KDM4C: variants seen among roughly 807,000 people sequenced by gnomAD.
KDM4C encodes lysine-specific demethylase 4C.
KDM4C carries 81 observed loss-of-function variants against 129.3 expected under a neutral mutation model. The observed-to-expected ratio is 0.63, with a 90% confidence interval of 0.52 to 0.75. The LOEUF is 0.75. KDM4C is among the 30% of genes least tolerant of loss of function. KDM4C has a pLI of 0.00. For synonymous variants in KDM4C, 573 were observed against 456.1 expected, an observed-to-expected ratio of 1.26 and a Z score of -3.26; for missense variants, 1,457 against 1,304.0, an observed-to-expected ratio of 1.12 and a Z score of -1.81.
At chr9:6,998,096 G>C (rs1273480366) in intron 12 of KDM4C, among the ~76,000 whole-genome samples, 1 of 152,166 alleles carries the variant, frequency 6.6e-6, no homozygotes, top group African/African-American at 2.4e-5. Flanking sequence ...CATCAGTTCA[G>C]CAAGTGCACT....
At chr9:6,732,319 CAT>C (rs1563915469) in intron 1 of KDM4C, among the ~76,000 whole-genome samples, 1 of 123,412 alleles carries the variant, frequency 8.1e-6, no homozygotes, top group Non-Finnish European at 1.6e-5. Context: ...GAGCTGAGAT[CAT>C]GCCACTGCAC....
At chr9:7,002,059 G>A (rs959758417) in intron 12 of KDM4C, among the ~76,000 whole-genome samples, 8 of 151,900 alleles carry the variant, frequency 5.3e-5, no homozygotes, top group African/African-American at 1.9e-4. Flanking sequence ...CACCTGGCTA[G>A]TTTTTCTATT....
At chr9:6,879,383 T>G (rs1036451650) in intron 5 of KDM4C, among the ~76,000 whole-genome samples, 1 of 152,104 alleles carries the variant, frequency 6.6e-6, no homozygotes, top group Non-Finnish European at 1.5e-5. Flanking sequence ...AGGGTGAAAA[T>G]TTTTTGCTGT....
intron 17 of KDM4C, among the ~76,000 whole-genome samples, chr9:7,101,562 T>A (rs1333120997): frequency 6.6e-6 from 1 of 152,238 alleles, no homozygotes; most frequent in Admixed American, 6.5e-5. Context: ...CTAAGGAAAC[T>A]GTGATTCTGT....
At chr9:6,775,816 C>T (rs1311581448) in intron 1 of KDM4C, among the ~76,000 whole-genome samples, 1 of 152,280 alleles carries the variant, frequency 6.6e-6, no homozygotes, top group East Asian at 1.9e-4. Context: ...CCACTGCGCC[C>T]AGCGACAAAT....
chr9:7,105,145 C>G (rs982281647), intron 18 of KDM4C, among the ~76,000 whole-genome samples: 1 of 152,174 alleles, frequency 6.6e-6, no homozygotes, highest in African/African-American at 2.4e-5. Flanking sequence ...TTTAAAAATA[C>G]CTAGTAATAA....
chr9:6,989,190 C>A (rs965044948), intron 11 of KDM4C, among the ~76,000 whole-genome samples: 1 of 152,104 alleles, frequency 6.6e-6, no homozygotes, highest in African/African-American at 2.4e-5. Flanking sequence ...TTTTCTTATT[C>A]CTAGCTTTGA....
intron 1 of KDM4C, among the ~76,000 whole-genome samples, chr9:6,745,830 G>T (rs1817854342): frequency 6.6e-6 from 1 of 151,284 alleles, no homozygotes; most frequent in African/African-American, 2.4e-5. Flanking sequence ...ATTTTTTGAG[G>T]TGGAGTTTCG....
chr9:6,885,095 A>G (rs1845054942), intron 6 of KDM4C, among the ~76,000 whole-genome samples: 1 of 152,234 alleles, frequency 6.6e-6, no homozygotes, highest in South Asian at 2.1e-4. Context: ...GGTGTAATTA[A>G]TAAACCACAT....
At chr9:7,150,097 G>T (rs911400032) in intron 19 of KDM4C, among the ~76,000 whole-genome samples, 2 of 152,132 alleles carry the variant, frequency 1.3e-5, no homozygotes, top group African/African-American at 2.4e-5. Flanking sequence ...CACTCAACAC[G>T]GTCAGTGGGA....
At chr9:6,823,325 C>T (rs1375722649) in intron 4 of KDM4C, among the ~76,000 whole-genome samples, 1 of 152,174 alleles carries the variant, frequency 6.6e-6, no homozygotes, top group Non-Finnish European at 1.5e-5. Context: ...AAGGGGGTAG[C>T]TTATCCTCAC....
rs898219762 is a variant in KDM4C, at chr9:6,924,995, T to C, written c.921+31763T>C. On this transcript the variant is annotated intron_variant, in intron 8 of 21. Transcript: ENST00000381309. Reference sequence around the variant, plus strand: ...TAGAAGTGTTGATGTTTTGTATTAGTGAATCTTAGGCTTCCTACTTCTGAA... The same window carrying C: ...TAGAAGTGTTGATGTTTTGTATTAGCGAATCTTAGGCTTCCTACTTCTGAA... 36 of 985,328 alleles carry C rather than the reference T, an allele frequency of 3.7e-5. 1 individual carries two copies. Among genetic ancestry groups the C allele is most frequent in the Non-Finnish European group, 3.7e-5 (31 of 829,926 alleles). 61.0% of individuals were successfully genotyped at this position (985,328 alleles called of 1,614,324 possible). A position where few individuals can be genotyped will look rare whatever the true frequency, so the allele number is the denominator to read the frequency against.
At chr9:6,937,450 A>G (rs1201300805) in intron 8 of KDM4C, among the ~76,000 whole-genome samples, 1 of 152,188 alleles carries the variant, frequency 6.6e-6, no homozygotes, top group African/African-American at 2.4e-5. Flanking sequence ...TGTTTTGGGC[A>G]TAATGCCAAG....
chr9:6,883,053 AG>A (rs1844723615), intron 6 of KDM4C, among the ~76,000 whole-genome samples: 1 of 152,208 alleles, frequency 6.6e-6, no homozygotes, highest in Non-Finnish European at 1.5e-5. Flanking sequence ...TGGTCCGAAA[AG>A]GATTATGAGC....
rs149546830 is a variant in KDM4C, at chr9:6,841,183, T to A, written c.436-8324T>A. Among the ~76,000 whole-genome samples, 182 of 152,234 alleles carry A rather than the reference T, an allele frequency of 1.2e-3. 2 individuals carry two copies. In the East Asian group the frequency reaches 0.031, roughly 26 times the overall value. On this transcript the variant is annotated intron_variant, in intron 4 of 21. Coordinates refer to ENST00000381309, the MANE Select transcript of KDM4C (RefSeq NM_015061.6). ...TTTCTAATGAAGTGGTAGTTCCCCC[T>A]GTGAATTCTTGAATTTCAAAAATTT...
At chr9:6,757,718 C>T (rs867015267), upstream of KDM4C, 4 of 985,480 alleles carry the variant, frequency 4.1e-6, no homozygotes, top group African/African-American at 7.0e-5. Flanking sequence ...GGACCCCAGC[C>T]AGCGCTTCCG....
At chr9:6,896,355 G>C (rs577971812) in intron 8 of KDM4C, among the ~76,000 whole-genome samples, 1 of 152,140 alleles carries the variant, frequency 6.6e-6, no homozygotes, top group East Asian at 1.9e-4. Context: ...GGGGTTTATT[G>C]AATGTGTATA....
intron 11 of KDM4C, among the ~76,000 whole-genome samples, chr9:6,987,819 C>A (rs1015403617): frequency 1.3e-5 from 2 of 151,602 alleles, no homozygotes; most frequent in African/African-American, 2.4e-5. Flanking sequence ...TGAAAAGGTG[C>A]CTAAGAGTAG....
At chr9:7,094,502 A>G (rs1460648077) in intron 17 of KDM4C, among the ~76,000 whole-genome samples, 3 of 152,180 alleles carry the variant, frequency 2.0e-5, no homozygotes, top group Non-Finnish European at 4.4e-5. Context: ...ACGAATCTAC[A>G]AACTCACTGC....
Sources: allele counts gnomAD v4.1 joint callset (sites outside exome capture counted in the v4.1 genomes callset), GRCh38; gene constraint gnomAD v4.1.1; transcripts MANE v1.5; gene names NCBI Gene and HGNC (gene_info 2026-07-23, HGNC 2026-07-21).